ATG10: variants seen among roughly 807,000 people sequenced by gnomAD.
ATG10 encodes the protein ubiquitin-like-conjugating enzyme ATG10.
ATG10 carries 30 observed loss-of-function variants against 32.1 expected under a neutral mutation model. The observed-to-expected ratio is 0.94, with a 90% CI of 0.70 to 1.27. ATG10 has a LOEUF of 1.27. Ranked by LOEUF, ATG10 falls within the 50% of genes most tolerant of loss-of-function variation. The pLI is 0.00. For synonymous variants in ATG10, 87 were observed against 91.5 expected (o/e 0.95, Z 0.28); for missense variants, 233 against 262.3 (o/e 0.89, Z 0.77).
intron 3 of ATG10, among the ~76,000 whole-genome samples, chr5:82,124,574 T>G (rs928933016): frequency 1.3e-4 from 19 of 151,890 alleles, no homozygotes; most frequent in Admixed American, 1.1e-3. Flanking sequence ...TTGTGTTAGT[T>G]TGGTAAGAAT....
intron 5 of ATG10, among the ~76,000 whole-genome samples, chr5:82,246,070 CCT>C (rs1747018642): frequency 8.4e-6 from 1 of 119,322 alleles, no homozygotes; most frequent in Non-Finnish European, 1.8e-5. Context: ...TTAATACTGA[CCT>C]TTTTTTTTTT....
chr5:82,180,153 C>T (rs920457727), intron 5 of ATG10, among the ~76,000 whole-genome samples: 4 of 152,158 alleles, frequency 2.6e-5, no homozygotes, highest in African/African-American at 9.7e-5. Context: ...AAATGCTTTG[C>T]CTGGGCATCA....
chr5:82,239,112 A>T (rs904840144), intron 5 of ATG10, among the ~76,000 whole-genome samples: 1 of 152,188 alleles, frequency 6.6e-6, no homozygotes, highest in African/African-American at 2.4e-5. Flanking sequence ...TATTTGAGAA[A>T]ACAGATACTG....
intron 5 of ATG10, among the ~76,000 whole-genome samples, chr5:82,252,113 A>G (rs1415154293): frequency 1.3e-5 from 2 of 152,226 alleles, no homozygotes; most frequent in Non-Finnish European, 2.9e-5. Flanking sequence ...CAACATGTTG[A>G]CAAAATTTGT....
At chr5:82,236,357 T>C (rs13358749) in intron 5 of ATG10, among the ~76,000 whole-genome samples, 65,201 of 152,090 alleles carry the variant, frequency 0.43, 16,163 homozygotes, top group East Asian at 0.91. Flanking sequence ...TACAACAAAT[T>C]GATAATTGAA....
chr5:82,015,094 T>A (rs1187474462), intron 2 of ATG10, among the ~76,000 whole-genome samples: 6 of 152,204 alleles, frequency 3.9e-5, no homozygotes, highest in African/African-American at 1.4e-4. Context: ...GAAGCTTAGT[T>A]TGGCTGGATA....
chr5:82,243,906 C>T (rs1350945810), intron 5 of ATG10, among the ~76,000 whole-genome samples: 1 of 151,712 alleles, frequency 6.6e-6, no homozygotes, highest in East Asian at 1.9e-4. Context: ...CAAAATAAGC[C>T]CAAACAAAAA....
chr5:82,051,987 C>G (rs1197587330), intron 2 of ATG10, among the ~76,000 whole-genome samples: 1 of 152,146 alleles, frequency 6.6e-6, no homozygotes, highest in Non-Finnish European at 1.5e-5. Context: ...CACTTGAGAT[C>G]TGTGGCCTAG....
intron 3 of ATG10, among the ~76,000 whole-genome samples, chr5:82,110,433 C>T (rs1765581451): frequency 6.6e-6 from 1 of 152,166 alleles, no homozygotes; most frequent in Admixed American, 6.5e-5. Context: ...AAAAGCATTC[C>T]TATTTCTCCA....
chr5:82,084,663 G>T (rs566028490), intron 3 of ATG10, among the ~76,000 whole-genome samples: 8 of 152,306 alleles, frequency 5.3e-5, no homozygotes, highest in Admixed American at 3.9e-4. Context: ...CCAGAAGAGA[G>T]TGGGGGACGG....
chr5:82,139,000 G>C (rs1308601550), intron 3 of ATG10, among the ~76,000 whole-genome samples: 1 of 150,726 alleles, frequency 6.6e-6, no homozygotes, highest in Admixed American at 6.6e-5. Context: ...TCGCAGGCAC[G>C]CGCCGCCACG....
intron 2 of ATG10, among the ~76,000 whole-genome samples, chr5:81,997,491 C>G (rs981491960): frequency 6.6e-6 from 1 of 152,242 alleles, no homozygotes; most frequent in African/African-American, 2.4e-5. Context: ...GAGTTGTCTT[C>G]TTACCTCCAA....
chr5:82,035,019 C>G (rs1215815611), intron 2 of ATG10, among the ~76,000 whole-genome samples: 1 of 151,988 alleles, frequency 6.6e-6, no homozygotes, highest in Non-Finnish European at 1.5e-5. Flanking sequence ...TCAAGCGATA[C>G]CCCTGCTTCA....
intron 5 of ATG10, among the ~76,000 whole-genome samples, chr5:82,181,250 A>G (rs956232554): frequency 1.3e-5 from 2 of 152,140 alleles, no homozygotes; most frequent in African/African-American, 4.8e-5. Flanking sequence ...TTGGGATTTG[A>G]TCTGTGAACA....
At chr5:82,239,926 C>A (rs1322163521) in intron 5 of ATG10, among the ~76,000 whole-genome samples, 3 of 152,040 alleles carry the variant, frequency 2.0e-5, no homozygotes, top group African/African-American at 7.2e-5. Context: ...AATTGCCCAA[C>A]ATCACTAATC....
rs181762201 is a variant in ATG10 at position 82,122,205 on chromosome 5, C to T, written c.217-42194C>T. Among the ~76,000 whole-genome samples the T allele has an allele frequency of 1.4e-4, 22 of 151,986 alleles. No individual in the cohort carries two copies. The East Asian group carries it at 3.7e-3, about 25-fold the overall frequency. On this transcript the variant is annotated intron_variant, in intron 3 of 7. Coordinates refer to ENST00000282185, the MANE Select transcript of ATG10 (RefSeq NM_031482.5). ...TGTTCAGGGAATGAATTTCTTCCTG[C>T]GTCAGTGTTGGGAGGGTATATGATC...
intron 3 of ATG10, among the ~76,000 whole-genome samples, chr5:82,137,755 C>T (rs1561319047): frequency 6.6e-6 from 1 of 151,842 alleles, no homozygotes; most frequent in Non-Finnish European, 1.5e-5. Flanking sequence ...GCTGGGAGAT[C>T]CGCTTCTCTC....
intron 3 of ATG10, among the ~76,000 whole-genome samples, chr5:82,157,968 A>G (rs1440600980): frequency 6.6e-6 from 1 of 152,234 alleles, no homozygotes; most frequent in South Asian, 2.1e-4. Flanking sequence ...TATTAGTGAT[A>G]GAAGAAAAGT....
At chr5:82,063,150 CA>C (rs1763835780) in intron 3 of ATG10, among the ~76,000 whole-genome samples, 1 of 152,018 alleles carries the variant, frequency 6.6e-6, no homozygotes, top group Non-Finnish European at 1.5e-5. Context: ...GAGACTCCAT[CA>C]CTACAAAAAC....
Sources: allele counts gnomAD v4.1 joint callset (sites outside exome capture counted in the v4.1 genomes callset), GRCh38; gene constraint gnomAD v4.1.1; transcripts MANE v1.5; gene names NCBI Gene and HGNC (gene_info 2026-07-23, HGNC 2026-07-21).